PRKX: variants seen among roughly 807,000 people sequenced by gnomAD.
The protein encoded by PRKX is cAMP-dependent protein kinase catalytic subunit PRKX.
PRKX carries 12 observed loss-of-function variants against 22.0 expected under a neutral mutation model. The observed-to-expected ratio is 0.54, with a 90% CI of 0.35 to 0.88. The LOEUF (loss-of-function observed/expected upper bound fraction) is 0.88, where lower values mean the gene tolerates loss of function less well. Ranked by LOEUF, PRKX falls within the 40% of genes least tolerant of loss-of-function variation. The probability of loss-of-function intolerance (pLI) is 0.01; values close to 1 mark genes in which losing one functional copy is unlikely to be tolerated. For missense variants in PRKX, 217 were observed against 308.0 expected, an observed-to-expected ratio of 0.70 and a Z score of 2.21; for synonymous variants, 134 against 137.7, an observed-to-expected ratio of 0.97 and a Z score of 0.19.
chrX:3,713,125 C>T lies in PRKX; in HGVS notation c.129G>A (p.Val43=), dbSNP rs777802576. The stretch of plus-strand genomic sequence containing the variant: ...GCGTGTCAAAGTCCTGCAGGCTGTA[C>T]ACAGGCGGCTCCGGCGACAGCGCCT... The part of the protein sequence containing the change: ...SPEALSPEPP[V]YSLQDFDTLA... Residue 43 remains valine, a synonymous_variant, in exon 1 of 9, where the codon GTG becomes GTA. Coordinates refer to ENST00000262848, the MANE Select transcript of PRKX (RefSeq NM_005044.5). 1.7e-4 allele frequency: 194 copies of T among 1,160,541 alleles called. No homozygotes were observed. The highest frequency in any genetic ancestry group is 2.1e-4 in the Non-Finnish European group (180 of 873,667).
chrX:3,692,248 T>C (rs1171201903), intron 1 of PRKX, among the ~76,000 whole-genome samples: 1 of 110,042 alleles, frequency 9.1e-6, no homozygotes, highest in African/African-American at 3.3e-5. Context: ...TCCTGTGCAC[T>C]GCAAACCTGC....
At chrX:3,657,277 G>A (rs73438464) in intron 2 of PRKX, among the ~76,000 whole-genome samples, 28,660 of 110,066 alleles carry the variant, frequency 0.26, 3,005 homozygotes, top group African/African-American at 0.33. Flanking sequence ...TTGGAGACAG[G>A]TCATGTAAAC....
At position 3,612,260 on chromosome X, in the gene PRKX, A is replaced by T. The variant is rs376971341; in HGVS notation, c.1017T>A (p.Asn339Lys). 5 of 1,208,532 alleles carry T rather than the reference A, an allele frequency of 4.1e-6. No homozygotes were observed. The African/African-American group carries it at 8.8e-5, about 21-fold the overall frequency. ...GCACGGGCGCGGCTGTGTCCCAGTC[A>T]TTCTCAGGGTAAGTTTCGAAGTTGG... ...DTSNFETYPE[N>K]DWDTAAPVPQ... The change falls in exon 8 of 9, where the codon AAT becomes AAA. Residue 339 changes from asparagine to lysine, a missense_variant. Asn to Lys is a moderately conservative substitution (Grantham distance 94, BLOSUM62 0). Coordinates refer to ENST00000262848, the MANE Select transcript of PRKX (RefSeq NM_005044.5).
chrX:3,654,968 G>A (rs1473741289), intron 3 of PRKX, among the ~76,000 whole-genome samples, 181 bp downstream of exon 3: 2 of 110,813 alleles, frequency 1.8e-5, no homozygotes, highest in African/African-American at 3.3e-5. Context: ...GCCAGCAATC[G>A]CAGCCCACCT....
intron 1 of PRKX, among the ~76,000 whole-genome samples, chrX:3,693,327 G>A (rs1482249686): frequency 1.8e-5 from 2 of 111,483 alleles, no homozygotes. Flanking sequence ...GGAAGGTGGT[G>A]GAGATGGAGG....
Position 3,628,129 on chromosome X carries a change from G to A in PRKX, c.720-1615C>T, listed in dbSNP as rs149324092. Reference sequence around the variant, plus strand: ...GATGAAACTGGAGGACATTATGTTAGGTGAAATAAGCCAGGAAAAGAACAT... The same window carrying A: ...GATGAAACTGGAGGACATTATGTTAAGTGAAATAAGCCAGGAAAAGAACAT... On this transcript the variant is annotated intron_variant, in intron 4 of 8. Transcript: ENST00000262848. Among the ~76,000 whole-genome samples the A allele has an allele frequency of 1.7e-3, 190 of 111,228 alleles. 1 individual carries two copies. The highest frequency in any genetic ancestry group is 6.0e-3 in the African/African-American group (183 of 30,678).
chrX:3,707,915 T>C (rs1232604857), intron 1 of PRKX, among the ~76,000 whole-genome samples: 2 of 111,963 alleles, frequency 1.8e-5, no homozygotes, highest in African/African-American at 6.5e-5. Flanking sequence ...AATTGCTATG[T>C]CAACACTGCC....
chrX:3,689,234 A>G (rs1928247179), intron 1 of PRKX, among the ~76,000 whole-genome samples: 1 of 112,889 alleles, frequency 8.9e-6, no homozygotes, highest in Non-Finnish European at 1.9e-5. Context: ...GGTAAAATCA[A>G]TAAAAGAACA....
intron 3 of PRKX, among the ~76,000 whole-genome samples, chrX:3,651,349 A>G (rs1189766321): frequency 2.7e-5 from 3 of 112,487 alleles, no homozygotes; most frequent in Non-Finnish European, 3.7e-5. Flanking sequence ...AAACTTATAA[A>G]CAAGTGAATA....
chrX:3,699,217 A>T (rs941301979), intron 1 of PRKX, among the ~76,000 whole-genome samples: 18 of 105,775 alleles, frequency 1.7e-4, no homozygotes, highest in African/African-American at 4.1e-4. Flanking sequence ...TTTGCATTTT[A>T]GGAGAGACGG....
intron 2 of PRKX, among the ~76,000 whole-genome samples, chrX:3,669,284 G>A (rs1927798878): frequency 9.1e-6 from 1 of 109,503 alleles, no homozygotes; most frequent in Admixed American, 9.8e-5. Flanking sequence ...CTCAATATCT[G>A]TCATCTATCA....
intron 5 of PRKX, 38 bp from the exon 6 acceptor site, chrX:3,621,354 C>T (rs762832031): frequency 2.8e-6 from 3 of 1,065,681 alleles, no homozygotes; most frequent in Admixed American, 2.2e-5. Flanking sequence ...AAAAAGTACA[C>T]AGATTATATA....
chrX:3,647,500 TTA>T (rs1927213721), intron 3 of PRKX, among the ~76,000 whole-genome samples: 1 of 105,639 alleles, frequency 9.5e-6, no homozygotes. Flanking sequence ...ACATACATTG[TTA>T]TATTAGTAAT....
At chrX:3,698,446 C>T (rs1928487405) in intron 1 of PRKX, among the ~76,000 whole-genome samples, 1 of 111,128 alleles carries the variant, frequency 9.0e-6, no homozygotes, top group Non-Finnish European at 1.9e-5. Context: ...CTCGGCCTCC[C>T]AAAATGGTGC....
intron 3 of PRKX, among the ~76,000 whole-genome samples, chrX:3,648,605 CCTGT>C (rs1191362494): frequency 0.02 from 935 of 46,126 alleles, 15 homozygotes; most frequent in African/African-American, 0.038. Flanking sequence ...TCTCTCTACT[CCTGT>C]GTGTGTGTGT....
chrX:3,639,948 G>C (rs144248975), intron 4 of PRKX, among the ~76,000 whole-genome samples: 11 of 111,251 alleles, frequency 9.9e-5, no homozygotes, highest in Non-Finnish European at 1.5e-4. Context: ...ACAAGCGCTC[G>C]GTGCTCCCCA....
At chrX:3,676,701 G>A (rs1927963309) in intron 1 of PRKX, among the ~76,000 whole-genome samples, 2 of 111,773 alleles carry the variant, frequency 1.8e-5, no homozygotes, top group African/African-American at 3.3e-5. Context: ...TGGCTTGGCT[G>A]TGTCCCCACC....
chrX:3,648,716 A>G (rs1426077609), intron 3 of PRKX, among the ~76,000 whole-genome samples: 1 of 107,779 alleles, frequency 9.3e-6, no homozygotes, highest in Non-Finnish European at 1.9e-5. Flanking sequence ...ATAAGGCTAG[A>G]AATAAAAATC....
In PRKX at chrX:3,618,372, C is replaced by T. The variant is rs1926481092; in HGVS notation, c.874-2480G>A. Among the ~76,000 whole-genome samples the T allele has an allele frequency of 3.6e-5, 4 of 111,588 alleles. No individual in the cohort carries two copies. The South Asian group carries it at 1.5e-3, about 42-fold the overall frequency. On this transcript the variant is annotated intron_variant, in intron 6 of 8. Transcript: ENST00000262848. ...GTGGCTCTTGCCTGTAATCCTAGCA[C>T]TTTGTGAGGCCAAGGTGGGCGGATC...
Sources: gnomAD v4.1 joint callset for allele counts (sites outside exome capture counted in the v4.1 genomes callset) on GRCh38, gnomAD v4.1.1 for gene constraint, MANE v1.5 for transcripts, NCBI Gene and HGNC (gene_info 2026-07-23, HGNC 2026-07-21) for gene names.